The following ZNF48 variants were observed in gnomAD, a reference collection of about 807,000 sequenced individuals.
ZNF48 encodes the protein zinc finger protein 553.
A neutral mutation model predicts 40.0 loss-of-function variants in ZNF48; 20 were observed. The observed-to-expected ratio is 0.50, with a 90% CI of 0.35 to 0.73. The LOEUF is 0.73. Ranked by LOEUF, ZNF48 falls within the 30% of genes least tolerant of loss-of-function variation. The pLI is 0.01. For missense variants in ZNF48, 726 were observed against 851.9 expected, an observed-to-expected ratio of 0.85 and a Z score of 1.84; for synonymous variants, 298 against 329.7, an observed-to-expected ratio of 0.90 and a Z score of 1.04.
rs1399430801 is a variant in ZNF48, at chr16:30,381,866, G to A, written c.-16+3456G>A. ...TCTACGCCCCGGCGCTCAATGGCCAGGGTCTGTGTCAAGCGAGCTGTGGGA... is the reference window on the plus strand; with the variant it reads ...TCTACGCCCCGGCGCTCAATGGCCAAGGTCTGTGTCAAGCGAGCTGTGGGA... On this transcript the variant is annotated intron_variant, in intron 1 of 2. Coordinates refer to the ZNF48 transcript ENST00000528032. This position sits in a 1 kb window ranked among gnomAD's most constrained non-coding sequence, Gnocchi z 4.3. 8 of 1,614,034 alleles carry A rather than the reference G, an allele frequency of 5.0e-6. No homozygotes were observed. Among genetic ancestry groups the A allele is most frequent in the Non-Finnish European group, 6.8e-6 (8 of 1,180,018 alleles).
rs2049869820 is a variant in ZNF48 at position 30,382,836 on chromosome 16, C to G, written c.-16+4426C>G. 6.7e-7 allele frequency: 1 copy of G among 1,494,454 alleles called. No homozygotes were observed. The highest frequency in any genetic ancestry group is 9.0e-7 in the Non-Finnish European group (1 of 1,109,192). The allele number at this position is 1,494,454 out of a possible 1,614,324, so 92.6% of individuals were successfully genotyped here. A position where few individuals can be genotyped will look rare whatever the true frequency, so the allele number is the denominator to read the frequency against. ...TGTGCAGAGAGGAAGGAAGTGGCTCCCTTTGTTAGCAGGGGAGATGAAGGT... is the reference window on the plus strand; with the variant it reads ...TGTGCAGAGAGGAAGGAAGTGGCTCGCTTTGTTAGCAGGGGAGATGAAGGT... On this transcript the variant is annotated intron_variant, in intron 1 of 2. Coordinates refer to the ZNF48 transcript ENST00000528032. The surrounding 1 kb of genome is among the most constrained non-coding windows in gnomAD (Gnocchi z 4.8).
upstream of ZNF48, among the ~76,000 whole-genome samples, chr16:30,393,738 T>TG (rs991225097): frequency 6.6e-6 from 1 of 151,564 alleles, no homozygotes; most frequent in African/African-American, 2.4e-5. Flanking sequence ...TTTTTTTAGA[T>TG]GGGGTCTCGC....
upstream of ZNF48, among the ~76,000 whole-genome samples, chr16:30,393,472 C>T (rs1348823358): frequency 6.6e-6 from 1 of 151,504 alleles, no homozygotes; most frequent in East Asian, 1.9e-4. Flanking sequence ...CCAACCTCCG[C>T]CTCTCAGGTT....
chr16:30,382,228 C>G lies in ZNF48; in HGVS notation c.-16+3818C>G. The G allele has an allele frequency of 6.2e-7, 1 of 1,612,700 alleles. No homozygotes were observed. The highest frequency in any genetic ancestry group is 8.5e-7 in the Non-Finnish European group (1 of 1,178,784). ...GGTCAGGGGAGGGGACAGCCAGGGC[C>G]TCCTAAGGACATCCCCTCCGCAGTT... On this transcript the variant is annotated intron_variant, in intron 1 of 2. Coordinates refer to the ZNF48 transcript ENST00000528032. This position sits in a 1 kb window ranked among gnomAD's most constrained non-coding sequence, Gnocchi z 4.8.
intron 1 of ZNF48, among the ~76,000 whole-genome samples, chr16:30,387,005 C>T (rs1446125380): frequency 1.7e-4 from 24 of 137,390 alleles, no homozygotes; most frequent in South Asian, 2.4e-4. Flanking sequence ...TGCAGTGGCA[C>T]GATCTTGGCT....
Position 30,382,888 on chromosome 16 carries a change from C to T in ZNF48, c.-16+4478C>T, listed in dbSNP as rs1359081624. On this transcript the variant is annotated intron_variant, in intron 1 of 2. Transcript: ENST00000528032. The surrounding 1 kb of genome is among the most constrained non-coding windows in gnomAD (Gnocchi z 4.8). Reference sequence around the variant, plus strand: ...TTGATGAGCTGATTAGAAAACAGTTCCCAGGACGGGCAAGGTGGCTCTCGC... The same window carrying T: ...TTGATGAGCTGATTAGAAAACAGTTTCCAGGACGGGCAAGGTGGCTCTCGC... 1 of 1,121,982 alleles carries T rather than the reference C, an allele frequency of 8.9e-7. No individual in the cohort carries two copies. The highest frequency in any genetic ancestry group is 1.3e-5 in the South Asian group (1 of 75,532). The allele number at this position is 1,121,982 out of a possible 1,614,324, so 69.5% of individuals were successfully genotyped here.
upstream of ZNF48, chr16:30,394,865 G>C (rs975589848): frequency 4.1e-6 from 1 of 241,444 alleles, no homozygotes; most frequent in Non-Finnish European, 8.6e-6. Flanking sequence ...CGGGCCCCAG[G>C]TCTGATTCCA....
At position 30,382,895 on chromosome 16, in the gene ZNF48, C is replaced by T. The variant is rs1233080418; in HGVS notation, c.-16+4485C>T. On this transcript the variant is annotated intron_variant, in intron 1 of 2. Coordinates refer to the ZNF48 transcript ENST00000528032. The surrounding 1 kb of genome is among the most constrained non-coding windows in gnomAD (Gnocchi z 4.8). ...GCTGATTAGAAAACAGTTCCCAGGA[C>T]GGGCAAGGTGGCTCTCGCCTGTAAT... is the stretch of plus-strand genomic sequence containing the variant. 16 of 1,048,014 alleles carry T rather than the reference C, an allele frequency of 1.5e-5. No individual in the cohort carries two copies. The highest frequency in any genetic ancestry group is 5.2e-5 in the East Asian group (2 of 38,652). 64.9% of individuals were successfully genotyped at this position (1,048,014 alleles called of 1,614,324 possible).
At position 30,399,040 on chromosome 16, in the gene ZNF48, C is replaced by T. The variant is rs140888942; in HGVS notation, c.1790C>T (p.Thr597Met). Residue 597 changes from threonine (T) to methionine (M), a missense_variant, in exon 3 of 3, where the codon ACG becomes ATG. By Grantham distance (81) the Thr-to-Met change is moderately conservative. This residue lies in a region of ZNF48 where 166 missense variants were observed against 163.6 expected (regional missense o/e 1.01). Coordinates refer to ENST00000613509, the MANE Select transcript of ZNF48 (RefSeq NM_001214909.2). ...CACCAGCGTGGGCACCTGGTCCTGA[C>T]GCCCTTTGGGATAGGGGATGGTAGG... Reference protein sequence around the residue: ...IKHQRGHLVLTPFGIGDGRAR... With the variant: ...IKHQRGHLVLMPFGIGDGRAR... 1.9e-5 allele frequency: 31 copies of T among 1,612,788 alleles called. No homozygotes were observed. The highest frequency in any genetic ancestry group is 1.6e-4 in the East Asian group (7 of 44,880).
chr16:30,386,476 C>G (rs1769954902), intron 1 of ZNF48, among the ~76,000 whole-genome samples: 2 of 151,900 alleles, frequency 1.3e-5, no homozygotes, highest in Non-Finnish European at 2.9e-5. Context: ...AATTCGAGAC[C>G]AGCCTGGGGA....
intron 1 of ZNF48, chr16:30,380,616 T>C (rs372417536): frequency 2.0e-4 from 27 of 135,660 alleles, no homozygotes; most frequent in Middle Eastern, 3.7e-3. Context: ...AAAATATTTT[T>C]TAAGTTAGCC....
At position 30,395,792 on chromosome 16, in the gene ZNF48, G is replaced by C; in HGVS notation, c.-3G>C. 1 of 1,539,704 alleles carries C rather than the reference G, an allele frequency of 6.5e-7. No individual in the cohort carries two copies. The highest frequency in any genetic ancestry group is 1.9e-5 in the Admixed American group (1 of 52,128). Reference sequence around the variant, plus strand: ...TCCCCTTGCTCAGGGCGGCGTGCCGGCGATGGAGCGCGCGGTAGAGCCTTG... The same window carrying C: ...TCCCCTTGCTCAGGGCGGCGTGCCGCCGATGGAGCGCGCGGTAGAGCCTTG... On this transcript the variant is annotated 5_prime_UTR_variant, in exon 2 of 3. Transcript: ENST00000613509. This position sits in a 1 kb window ranked among gnomAD's most constrained non-coding sequence, Gnocchi z 5.9.
chr16:30,378,382 A>G (rs2049780212), exon 1 of ZNF48: 1 of 1,488,176 alleles, frequency 6.7e-7, no homozygotes, highest in Non-Finnish European at 8.9e-7. Flanking sequence ...CGGGGATTGG[A>G]CAAGAGGCCG....
chr16:30,386,680 C>T (rs1005918691), intron 1 of ZNF48, among the ~76,000 whole-genome samples: 3 of 151,768 alleles, frequency 2.0e-5, no homozygotes, highest in Admixed American at 6.6e-5. Flanking sequence ...GATGGAGTTT[C>T]GCCCTTGTAG....
At position 30,382,937 on chromosome 16, in the gene ZNF48, G is replaced by T; in HGVS notation, c.-16+4527G>T. ...GCCTGTAATCTCAGCACTTTGGGAG[G>T]CGGAGGAGGGAGGACAGCTTGAGCC... is the stretch of plus-strand genomic sequence containing the variant. On this transcript the variant is annotated intron_variant, in intron 1 of 2. Coordinates refer to the ZNF48 transcript ENST00000528032. The surrounding 1 kb of genome is among the most constrained non-coding windows in gnomAD (Gnocchi z 4.8). 1 of 718,280 alleles carries T rather than the reference G, an allele frequency of 1.4e-6. No homozygotes were observed. The highest frequency in any genetic ancestry group is 2.4e-6 in the Non-Finnish European group (1 of 412,556). The allele number at this position is 718,280 out of a possible 1,614,324, so 44.5% of individuals were successfully genotyped here.
upstream of ZNF48, chr16:30,395,297 C>T (rs1470937936): frequency 4.4e-6 from 2 of 454,562 alleles, no homozygotes; most frequent in East Asian, 7.0e-5. This position sits in a 1 kb window ranked among gnomAD's most constrained non-coding sequence, Gnocchi z 5.9. Flanking sequence ...AGAGTAGCCC[C>T]TGGGCCGCAC....
In ZNF48 at chr16:30,397,887, A is replaced by G; in HGVS notation, c.637A>G (p.Thr213Ala). 3 of 1,613,040 alleles carry G rather than the reference A, an allele frequency of 1.9e-6. No homozygotes were observed. Among genetic ancestry groups the G allele is most frequent in the Non-Finnish European group, 2.5e-6 (3 of 1,179,138 alleles). The change falls in exon 3 of 3, where the codon ACA (threonine) becomes GCA (alanine). Residue 213 changes from threonine (T) to alanine (A), a missense_variant. Physicochemically the swap from Thr to Ala is moderately conservative, Grantham distance 58 (BLOSUM62 0). Around this residue, in one of 5 missense-constraint regions of ZNF48, gnomAD observed 378 missense variants for 449.1 expected, o/e 0.84. Transcript: ENST00000613509. This position sits in a 1 kb window ranked among gnomAD's most constrained non-coding sequence, Gnocchi z 4.1. ...QSSDLVKHQR[T>A]HTGEKPYKCG... The stretch of plus-strand genomic sequence containing the variant: ...TTCTGACCTGGTGAAACACCAGCGG[A>G]CACACACTGGTGAGAAGCCCTACAA...
intron 1 of ZNF48, among the ~76,000 whole-genome samples, chr16:30,387,149 T>A (rs1430267881): frequency 1.3e-5 from 2 of 150,304 alleles, no homozygotes; most frequent in East Asian, 2.0e-4. Context: ...TTCACCGTGT[T>A]AGCCAGGATG....
rs1177401363 is a variant in ZNF48, at chr16:30,382,209, G to A, written c.-16+3799G>A. 4.3e-6 allele frequency: 7 copies of A among 1,613,142 alleles called. No individual in the cohort carries two copies. The highest frequency in any genetic ancestry group is 3.3e-4 in the Middle Eastern group (2 of 6,058). On this transcript the variant is annotated intron_variant, in intron 1 of 2. Coordinates refer to the ZNF48 transcript ENST00000528032. The surrounding 1 kb of genome is among the most constrained non-coding windows in gnomAD (Gnocchi z 4.8). ...GGACAGAACAGGCCCAACTGGTCAG[G>A]GGAGGGGACAGCCAGGGCCTCCTAA...
Sources: allele counts gnomAD v4.1 joint callset (sites outside exome capture counted in the v4.1 genomes callset), GRCh38; gene constraint gnomAD v4.1.1; regional missense constraint gnomAD v4.1.1; non-coding constraint Gnocchi (gnomAD v3.1); transcripts MANE v1.5; gene names NCBI Gene and HGNC (gene_info 2026-07-23, HGNC 2026-07-21).